PDLIM2: variants seen among roughly 807,000 people sequenced by gnomAD.
PDLIM2 encodes the protein PDZ and LIM domain protein 2.
In PDLIM2, 51 loss-of-function variants were observed where a neutral mutation model predicts 54.1. That is an observed-to-expected ratio of 0.94 (90% CI 0.75 to 1.19). PDLIM2 has a LOEUF of 1.19. Ranked by LOEUF, PDLIM2 falls within the 50% of genes most tolerant of loss-of-function variation. The pLI, the probability that PDLIM2 is intolerant of heterozygous loss-of-function variation, is 0.00. For missense variants in PDLIM2, 912 were observed against 874.0 expected, an observed-to-expected ratio of 1.04 and a Z score of -0.55; for synonymous variants, 398 against 385.6, an observed-to-expected ratio of 1.03 and a Z score of -0.38.
At chr8:22,591,488 C>G (rs1486467646) in intron 8 of PDLIM2, 63 bp from the exon 8 acceptor site, 5 of 1,447,110 alleles carry the variant, frequency 3.5e-6, no homozygotes, top group Non-Finnish European at 4.9e-6. Context: ...CTCCTCAGAG[C>G]ATCTTTGGGA....
At chr8:22,592,077 C>CTTT (rs60908593) in intron 9 of PDLIM2, 143 of 95,200 alleles carry the variant, frequency 1.5e-3, no homozygotes, top group East Asian at 2.8e-3. Flanking sequence ...TCTTTCTTTT[C>CTTT]TTTTTTTTTT....
chr8:22,597,784 C>T (rs1183671914), downstream of PDLIM2: 1 of 152,366 alleles, frequency 6.6e-6, no homozygotes, highest in Non-Finnish European at 1.5e-5. Context: ...AAGGCAGTTC[C>T]TGGAGACCCA....
At chr8:22,581,075 C>A (rs1800186562) in intron 2 of PDLIM2, 1 of 673,866 alleles carries the variant, frequency 1.5e-6, no homozygotes, top group Admixed American at 2.1e-5. Flanking sequence ...CAGCCACCTG[C>A]AAGGTGCGAT....
At chr8:22,583,893 T>C (rs1334512079) in intron 3 of PDLIM2, among the ~76,000 whole-genome samples, 1 of 128,846 alleles carries the variant, frequency 7.8e-6, no homozygotes, top group Non-Finnish European at 1.6e-5. Flanking sequence ...AAGGGCAGGA[T>C]AATGTGAGGA....
At chr8:22,579,029 C>T in exon 1 of PDLIM2, 1 of 1,241,226 alleles carries the variant, frequency 8.1e-7, no homozygotes. Flanking sequence ...CTGGGCTCGC[C>T]GCGCGGAGGC....
In PDLIM2 at chr8:22,584,892, T is replaced by C. The variant is rs1446627550; in HGVS notation, c.1065+2T>C. On this transcript the variant is annotated splice_donor_variant, in intron 4 of 9. Transcript: ENST00000308354. LOFTEE classifies it high-confidence loss of function. ...GAAGTGCTGGCGACTCGCTTCCAGG[T>C]AAGCTGGTGCCCTCCCCTGACAGCC... 1.2e-6 allele frequency: 2 copies of C among 1,614,076 alleles called. No homozygotes were observed. The highest frequency in any genetic ancestry group is 1.1e-5 in the South Asian group (1 of 91,084).
In PDLIM2 at chr8:22,589,601, A is replaced by T. The variant is rs1402209299; in HGVS notation, c.1373A>T (p.Asp458Val). Residue 458 changes from aspartate to valine, a missense_variant, in exon 8 of 10, where the codon GAC becomes GTC. Coordinates refer to ENST00000308354, the Ensembl canonical transcript of PDLIM2. ...GGCTGCCTCCCACCCTGCAGCATGG[A>T]CTCGGAAGGGGGAAGCCTCCTCCTG... The T allele has an allele frequency of 3.1e-6, 5 of 1,601,616 alleles. No individual in the cohort carries two copies. Among genetic ancestry groups the T allele is most frequent in the Non-Finnish European group, 3.4e-6 (4 of 1,174,886 alleles).
At chr8:22,582,176 G>A (rs1242838331) in intron 3 of PDLIM2, among the ~76,000 whole-genome samples, 1 of 152,324 alleles carries the variant, frequency 6.6e-6, no homozygotes, top group South Asian at 2.1e-4. Flanking sequence ...GGAGATCCCC[G>A]AGCCAGGAGA....
chr8:22,585,242 G>T, intron 5 of PDLIM2, 79 bp from the exon 5 acceptor site: 1 of 1,602,000 alleles, frequency 6.2e-7, no homozygotes, highest in Non-Finnish European at 8.5e-7. Context: ...CAGGAGCTCT[G>T]CTTGGGAGCC....
chr8:22,581,442 A>G, exon 3 of PDLIM2: 2 of 1,608,708 alleles, frequency 1.2e-6, no homozygotes, highest in Admixed American at 1.7e-5. Flanking sequence ...CGTGGCCATC[A>G]ACGGGGAAAG....
chr8:22,595,460 G>C (rs1259179422), downstream of PDLIM2: 1 of 152,216 alleles, frequency 6.6e-6, no homozygotes, highest in Non-Finnish European at 1.5e-5. Flanking sequence ...TGGGCACAGC[G>C]GGAATACAGA....
chr8:22,594,771 T>C (rs1000238811), downstream of PDLIM2: 5 of 1,420,182 alleles, frequency 3.5e-6, no homozygotes, highest in Admixed American at 1.4e-4. Context: ...GGTGATTGAT[T>C]TGGAGGGGGG....
At chr8:22,593,870 A>G in exon 10 of PDLIM2, 1 of 1,555,728 alleles carries the variant, frequency 6.4e-7, no homozygotes, top group Non-Finnish European at 8.7e-7. Flanking sequence ...CATGCCCGCC[A>G]GCGCTACTCC....
chr8:22,583,355 T>C (rs1037868628), intron 3 of PDLIM2, among the ~76,000 whole-genome samples: 1 of 152,002 alleles, frequency 6.6e-6, no homozygotes, highest in East Asian at 1.9e-4. Context: ...TGGCCTCCAG[T>C]GGGCAGGGTG....
chr8:22,587,991 G>A lies in PDLIM2; in HGVS notation c.1291-1307G>A, dbSNP rs974337160. ...GACTTGCCTCATGAAGGGATCCCGGGCCGGTGCCCTAGGCAGGGCCCATGG... is the reference window on the plus strand; with the variant it reads ...GACTTGCCTCATGAAGGGATCCCGGACCGGTGCCCTAGGCAGGGCCCATGG... On this transcript the variant is annotated intron_variant, in intron 6 of 9. Transcript: ENST00000308354. 3.0e-4 allele frequency: 46 copies of A among 152,440 alleles called. 1 individual carries two copies. The highest frequency in any genetic ancestry group is 1.1e-3 in the African/African-American group (46 of 41,598). The allele number at this position is 152,440 out of a possible 1,614,324, so 9.4% of individuals were successfully genotyped here. A position where few individuals can be genotyped will look rare whatever the true frequency, so the allele number is the denominator to read the frequency against.
In PDLIM2 at chr8:22,579,035, G is replaced by T; in HGVS notation, c.256G>T (p.Glu86Ter). ...TGGCAGCGCCTGGGCTCGCCGCGCGGAGGCGGCGGCTTCTCGGGCTAGGGG... is the reference window on the plus strand; with the variant it reads ...TGGCAGCGCCTGGGCTCGCCGCGCGTAGGCGGCGGCTTCTCGGGCTAGGGG... The change falls in exon 1 of 10, where the codon GAG becomes TAG. Residue 86 changes from glutamate (E) to a stop codon, truncating the protein, a stop_gained. Coordinates refer to ENST00000308354, the Ensembl canonical transcript of PDLIM2. LOFTEE classifies it high-confidence loss of function. The T allele has an allele frequency of 8.1e-7, 1 of 1,241,692 alleles. No homozygotes were observed. The highest frequency in any genetic ancestry group is 1.0e-6 in the Non-Finnish European group (1 of 994,960). The allele number at this position is 1,241,692 out of a possible 1,614,324, so 76.9% of individuals were successfully genotyped here.
At chr8:22,597,562 C>T (rs1472740161), downstream of PDLIM2, 1 of 152,734 alleles carries the variant, frequency 6.5e-6, no homozygotes, top group Non-Finnish European at 1.5e-5. Flanking sequence ...GGCTGGGCTT[C>T]CTGTTTCCAG....
chr8:22,585,803 T>G (rs540027387), intron 6 of PDLIM2: 1 of 155,104 alleles, frequency 6.4e-6, no homozygotes, highest in African/African-American at 2.4e-5. Context: ...GACCCGGGCC[T>G]GCCTGACTCC....
At chr8:22,586,762 C>T (rs1029819073) in intron 6 of PDLIM2, among the ~76,000 whole-genome samples, 15 of 152,160 alleles carry the variant, frequency 9.9e-5, no homozygotes, top group Non-Finnish European at 4.4e-5. Flanking sequence ...GCTTCCCCAT[C>T]GTGTTGCCCC....
Sources: gnomAD v4.1 joint callset for allele counts (sites outside exome capture counted in the v4.1 genomes callset) on GRCh38, gnomAD v4.1.1 for gene constraint, MANE v1.5 for transcripts, NCBI Gene and HGNC (gene_info 2026-07-23, HGNC 2026-07-21) for gene names.